Variants in TTN observed in about 807,000 individuals in gnomAD.
TTN encodes the protein titin, also known as connectin.
TTN carries 1,525 observed loss-of-function variants against 3,223.0 expected under a neutral mutation model. The ratio of observed to expected loss-of-function variants is 0.47; its 90% confidence interval spans 0.45 to 0.49. The LOEUF (loss-of-function observed/expected upper bound fraction) is 0.49, where lower values mean the gene tolerates loss of function less well. Among genes scored for constraint, TTN ranks in the 20% least tolerant of loss-of-function variants. The pLI is 0.00. For missense variants in TTN, 40,786 were observed against 43,424.0 expected (o/e 0.94, Z 5.40); for synonymous variants, 14,094 against 15,161.0 (o/e 0.93, Z 5.17).
Position 178,731,346 on chromosome 2 carries a change from T to A in TTN, c.17420A>T (p.Asp5807Val). The A allele has an allele frequency of 6.2e-7, 1 of 1,613,850 alleles. No individual in the cohort carries two copies. Among genetic ancestry groups the A allele is most frequent in the Non-Finnish European group, 8.5e-7 (1 of 1,179,780 alleles). ...DGKYVCQAKNDAGIQRCSALL... is the reference protein window; with the variant it reads ...DGKYVCQAKNVAGIQRCSALL... ...TGCAGAACATCTTTGTATTCCTGCA[T>A]CATTTTTGGCCTGACAGACATATTT... The change falls in exon 59 of 363, where the codon GAT becomes GTT. Residue 5807 changes from aspartate (D) to valine (V), a missense_variant. Transcript: ENST00000589042.
Position 178,584,854 on chromosome 2 carries a change from A to G in TTN, c.64787T>C (p.Ile21596Thr), listed in dbSNP as rs779333272. 1 of 1,613,270 alleles carries G rather than the reference A, an allele frequency of 6.2e-7. No homozygotes were observed. The highest frequency in any genetic ancestry group is 2.2e-5 in the East Asian group (1 of 44,782). Residue 21596 changes from isoleucine (I) to threonine (T), a missense_variant, in exon 310 of 363, where the codon ATA becomes ACA. Physicochemically the swap from Ile to Thr is moderately conservative, Grantham distance 89 (BLOSUM62 -1). Coordinates refer to ENST00000589042, the MANE Select transcript of TTN (RefSeq NM_001267550.2). Reference protein sequence around the residue: ...EDGGSNITNYIVEKCDVSRGD... With the variant: ...EDGGSNITNYTVEKCDVSRGD... ...TCGGCTTACATCACACTTCTCCACT[A>G]TATAATTGGTGATGTTACTGCCTCC...
Position 178,633,506 on chromosome 2 carries a change from T to A in TTN, c.42853A>T (p.Ile14285Phe). The A allele has an allele frequency of 6.2e-7, 1 of 1,613,360 alleles. No homozygotes were observed. The highest frequency in any genetic ancestry group is 8.5e-7 in the Non-Finnish European group (1 of 1,179,586). Reference sequence around the variant, plus strand: ...AGGTCCGCCTTTTTGATTTTTAAGATGCGGCGCAGGCCATCTGCCTTGATA... The same window carrying A: ...AGGTCCGCCTTTTTGATTTTTAAGAAGCGGCGCAGGCCATCTGCCTTGATA... ...YSIKADGLRR[I>F]LKIKKADLKD... is the part of the protein sequence containing the mutation. Residue 14285 changes from isoleucine (I) to phenylalanine (F), a missense_variant, in exon 232 of 363, where the codon ATC (isoleucine) becomes TTC (phenylalanine). Coordinates refer to ENST00000589042, the MANE Select transcript of TTN (RefSeq NM_001267550.2).
Position 178,588,755 on chromosome 2 carries a change from A to G in TTN, c.62970T>C (p.Asp20990=), listed in dbSNP as rs764520176. 22 of 1,613,102 alleles carry G rather than the reference A, an allele frequency of 1.4e-5. No individual in the cohort carries two copies. The highest frequency in any genetic ancestry group is 1.7e-5 in the Non-Finnish European group (20 of 1,179,528). The change falls in exon 304 of 363, where the codon GAT becomes GAC. Residue 20990 remains aspartate, a synonymous_variant. Transcript: ENST00000589042. ...AGTATCCAGTTATAGACTTTCCACC[A>G]TCATATTCAGGTGGATTCCAAACCA... The part of the protein sequence containing the change: ...MTVVWNPPEY[D]GGKSITGYFL...
In TTN at chr2:178,707,551, A is replaced by C; in HGVS notation, c.29016T>G (p.Thr9672=). Residue 9672 remains threonine (T), a synonymous_variant, in exon 100 of 363, where the codon ACT becomes ACG. Coordinates refer to ENST00000589042, the MANE Select transcript of TTN (RefSeq NM_001267550.2). ...CTTTAATGGTCACTTTTGATTTGGT[A>C]GTGTCACTTCCAGCCACATTTGAAG... ...CKASNVAGSD[T]TKSKVTIKDK... The C allele has an allele frequency of 6.8e-6, 11 of 1,613,440 alleles. No individual in the cohort carries two copies. Among genetic ancestry groups the C allele is most frequent in the Non-Finnish European group, 7.6e-6 (9 of 1,179,544 alleles).
Position 178,733,509 on chromosome 2 carries a change from TGGCA to T in TTN, c.15780_15783del (p.Ala5261LysfsTer8). 1 of 1,610,296 alleles carries T rather than the reference TGGCA, an allele frequency of 6.2e-7. No individual in the cohort carries two copies. Among genetic ancestry groups the T allele is most frequent in the Non-Finnish European group, 8.5e-7 (1 of 1,177,364 alleles). ...ATCAGTTCTGCTCGCTCAATGATTT[TGGCA>T]GGTTCTACAATGGTATGAAATAGTT... On this transcript the variant is annotated frameshift_variant, in exon 54 of 363. Transcript: ENST00000589042. LOFTEE classifies it high-confidence loss of function.
rs550330154 is a variant in TTN at position 178,614,200 on chromosome 2, G to T, written c.49197C>A (p.His16399Gln). The change falls in exon 262 of 363, where the codon CAC becomes CAA. Residue 16399 changes from histidine to glutamine, a missense_variant. His to Gln is a conservative substitution (Grantham distance 24). Transcript: ENST00000589042. ...ERRATDSEVWHKLSSTVKDTN... is the reference protein window; with the variant it reads ...ERRATDSEVWQKLSSTVKDTN... The stretch of plus-strand genomic sequence containing the variant: ...TATCCTTGACGGTGGATGAGAGCTT[G>T]TGCCACACTTCACTATCAGTTGCTC... The T allele has an allele frequency of 3.1e-6, 5 of 1,612,474 alleles. No homozygotes were observed. In the East Asian group the frequency reaches 9.0e-5, roughly 29 times the overall value.
At position 178,699,383 on chromosome 2, in the gene TTN, C is replaced by CTTTTTTTTT. The variant is rs59989386; in HGVS notation, c.30683-478_30683-470dup. Among the ~76,000 whole-genome samples the CTTTTTTTTT allele has an allele frequency of 5.3e-4, 24 of 44,912 alleles. 7 individuals are homozygous for CTTTTTTTTT. Among genetic ancestry groups the CTTTTTTTTT allele is most frequent in the Non-Finnish European group, 7.9e-4 (18 of 22,892 alleles). 29.5% of individuals were successfully genotyped at this position (44,912 alleles called of 152,430 possible). A position where few individuals can be genotyped will look rare whatever the true frequency, so the allele number is the denominator to read the frequency against. On this transcript the variant is annotated intron_variant, in intron 111 of 362. Coordinates refer to ENST00000589042, the MANE Select transcript of TTN (RefSeq NM_001267550.2). ...TTTGTATTCATGAATAAATAACACT[C>CTTTTTTTTT]TTTTTTTTTTTTTTTTTTTTTTTTT... is the stretch of plus-strand genomic sequence containing the variant.
At chr2:178,538,010 C>T in intron 354 of TTN, 93 bp from the exon 355 acceptor site, 2 of 1,121,528 alleles carry the variant, frequency 1.8e-6, no homozygotes, top group Non-Finnish European at 2.5e-6. Context: ...ACCTTATTTA[C>T]TGACACATAC....
rs572402359 is a variant in TTN, at chr2:178,554,802, T to G, written c.88595-50A>C. On this transcript the variant is annotated intron_variant, in intron 331 of 362. Coordinates refer to ENST00000589042, the MANE Select transcript of TTN (RefSeq NM_001267550.2). ...ATGTTAGTACTTCTTTAAAGCCTAC[T>G]TGTTCAAAATTACTAAGCTTTAGGC... The G allele has an allele frequency of 3.7e-6, 6 of 1,612,046 alleles. No homozygotes were observed. In the East Asian group the frequency reaches 1.3e-4, roughly 36 times the overall value.
intron 278 of TTN, among the ~76,000 whole-genome samples, chr2:178,606,210 A>G (rs117154891): frequency 6.6e-6 from 1 of 152,144 alleles, no homozygotes; most frequent in East Asian, 1.9e-4. Flanking sequence ...TGAAGGACCA[A>G]ACTAAGAGTT....
intron 332 of TTN, 80 bp from the exon 333 acceptor site, chr2:178,554,296 C>G: frequency 6.8e-7 from 1 of 1,460,682 alleles, no homozygotes; most frequent in Non-Finnish European, 9.3e-7. Flanking sequence ...GCATTCTTTC[C>G]AAGAACATTG....
At chr2:178,584,130 G>T in intron 311 of TTN, 146 bp downstream of exon 311, 2 of 1,082,138 alleles carry the variant, frequency 1.8e-6, no homozygotes, top group Non-Finnish European at 2.6e-6. Context: ...CATTGTAAGA[G>T]ATAGAACATA....
At position 178,557,957 on chromosome 2, in the gene TTN, CAAT is replaced by C; in HGVS notation, c.87394_87396del (p.Ile29132del). The stretch of plus-strand genomic sequence containing the variant: ...GGAGGACCAGGCCTGTCTAGCACAA[CAAT>C]GTTAATGAAAGCTTTGGTTGTACCA... On this transcript the variant is annotated inframe_deletion, in exon 328 of 363. Transcript: ENST00000589042. 5 of 1,613,316 alleles carry C rather than the reference CAAT, an allele frequency of 3.1e-6. No individual in the cohort carries two copies. In the East Asian group the frequency reaches 8.9e-5, roughly 29 times the overall value.
rs373291051 is a variant in TTN, at chr2:178,545,679, G to A, written c.95431C>T (p.Pro31811Ser). ...ARNSFTIPSP[P>S]GIPEEVGTGK... The stretch of plus-strand genomic sequence containing the variant: ...GTCCCAACTTCTTCAGGTATGCCGG[G>A]TGGTGATGGAATAGCTGTTTATGAA... Residue 31811 changes from proline (P) to serine (S), a missense_variant, in exon 344 of 363, where the codon CCC becomes TCC. Transcript: ENST00000589042. The A allele has an allele frequency of 1.9e-6, 3 of 1,612,788 alleles. No homozygotes were observed. The highest frequency in any genetic ancestry group is 1.7e-5 in the Admixed American group (1 of 59,930).
At chr2:178,744,477 T>C in intron 47 of TTN, 2 of 849,790 alleles carry the variant, frequency 2.4e-6, no homozygotes, top group Non-Finnish European at 2.8e-6. Flanking sequence ...TATTAAGGAG[T>C]ATGTTAATTT....
chr2:178,649,104 A>AT (rs2062493813), intron 213 of TTN, 144 bp downstream of exon 213: 2 of 640,832 alleles, frequency 3.1e-6, no homozygotes, highest in Non-Finnish European at 4.9e-6. Flanking sequence ...TGTCTGTTTC[A>AT]TTTTTTTCCC....
Position 178,635,529 on chromosome 2 carries a change from AG to A in TTN, c.41794del (p.Leu13932SerfsTer27), listed in dbSNP as rs2060330825. On this transcript the variant is annotated frameshift_variant, in exon 227 of 363. Transcript: ENST00000589042. LOFTEE classifies it high-confidence loss of function. ...EILRDGNHLY[L>X]KIKNAMPEDI... is the part of the protein sequence containing the mutation. Reference sequence around the variant, plus strand: ...TTCTGGCATAGCATTCTTAATTTTGAGGTACAGATGATTTCCATCTCTCAGT... The same window carrying A: ...TTCTGGCATAGCATTCTTAATTTTGAGTACAGATGATTTCCATCTCTCAGT... 6.3e-7 allele frequency: 1 copy of A among 1,597,940 alleles called. No individual in the cohort carries two copies. Among genetic ancestry groups the A allele is most frequent in the Non-Finnish European group, 8.5e-7 (1 of 1,170,932 alleles).
rs1343439092 is a variant in TTN, at chr2:178,568,035, T to C, written c.78097A>G (p.Asn26033Asp). The change falls in exon 326 of 363, where the codon AAC becomes GAC. Residue 26033 changes from asparagine to aspartate, a missense_variant. Transcript: ENST00000589042. Reference sequence around the variant, plus strand: ...TTGACCTTTGTCCACAAAATACTGTTTCTTTCTTTTCTCTCCAGGTGGTAA... The same window carrying C: ...TTGACCTTTGTCCACAAAATACTGTCTCTTTCTTTTCTCTCCAGGTGGTAA... ...IGYHLERKER[N>D]SILWTKVNKT... is the part of the protein sequence containing the mutation. 1 of 1,613,256 alleles carries C rather than the reference T, an allele frequency of 6.2e-7. No homozygotes were observed. Among genetic ancestry groups the C allele is most frequent in the East Asian group, 2.2e-5 (1 of 44,772 alleles).
rs1299399084 is a variant in TTN at position 178,725,559 on chromosome 2, G to A, written c.20645C>T (p.Pro6882Leu). The A allele has an allele frequency of 6.2e-7, 1 of 1,612,876 alleles. No homozygotes were observed. Among genetic ancestry groups the A allele is most frequent in the East Asian group, 2.2e-5 (1 of 44,840 alleles). Reference sequence around the variant, plus strand: ...CTCTTTAAGCCACTGGACAAAAATAGGCTGGGCGCCTTCTATGGATGCTTG... The same window carrying A: ...CTCTTTAAGCCACTGGACAAAAATAAGCTGGGCGCCTTCTATGGATGCTTG... ...ELQASIEGAQ[P>L]IFVQWLKEKE... The change falls in exon 71 of 363, where the codon CCT (proline) becomes CTT (leucine). Residue 6882 changes from proline to leucine, a missense_variant. By Grantham distance (98) the Pro-to-Leu change is moderately conservative (BLOSUM62 -3). Coordinates refer to ENST00000589042, the MANE Select transcript of TTN (RefSeq NM_001267550.2).
Sources: gnomAD v4.1 joint callset for allele counts (sites outside exome capture counted in the v4.1 genomes callset) on GRCh38, gnomAD v4.1.1 for gene constraint, MANE v1.5 for transcripts, NCBI Gene and HGNC (gene_info 2026-07-23, HGNC 2026-07-21) for gene names.